Variants in PAPSS1 observed in about 807,000 individuals in gnomAD.
PAPSS1 encodes 3'-phosphoadenosine 5'-phosphosulfate synthase 1.
Under a neutral mutation model 72.0 loss-of-function variants are expected in PAPSS1, and 50 were observed. That is an observed-to-expected ratio of 0.69 (90% confidence interval 0.55 to 0.88). The LOEUF is 0.88. Ranked by LOEUF, PAPSS1 falls within the 40% of genes least tolerant of loss-of-function variation. The pLI is 0.00. For missense variants in PAPSS1, 657 were observed against 782.2 expected (o/e 0.84, Z 1.91); for synonymous variants, 261 against 263.6 (o/e 0.99, Z 0.09).
chr4:107,706,209 T>A (rs1723336682), intron 1 of PAPSS1, among the ~76,000 whole-genome samples: 1 of 152,232 alleles, frequency 6.6e-6, no homozygotes, highest in Non-Finnish European at 1.5e-5. Context: ...AAGTTTTCTG[T>A]TGTTATTTAA....
In PAPSS1 at chr4:107,645,034, T is replaced by G. The variant is rs1726655931; in HGVS notation, c.1274A>C (p.His425Pro). Residue 425 changes from histidine (H) to proline (P), a missense_variant, in exon 10 of 12, where the codon CAC (histidine) becomes CCC (proline). Coordinates refer to ENST00000265174, the MANE Select transcript of PAPSS1 (RefSeq NM_005443.5). ...CTGCATTAACAGGGCATGTCCATTGTGCACTGGGTTGCGTAGTTGAAATGC... is the reference window on the plus strand; with the variant it reads ...CTGCATTAACAGGGCATGTCCATTGGGCACTGGGTTGCGTAGTTGAAATGC... ...VFAFQLRNPV[H>P]NGHALLMQDT... The G allele has an allele frequency of 6.3e-7, 1 of 1,586,258 alleles. No homozygotes were observed. The highest frequency in any genetic ancestry group is 1.3e-5 in the African/African-American group (1 of 74,194).
intron 7 of PAPSS1, 44 bp downstream of exon 7, chr4:107,656,852 T>C: frequency 7.7e-7 from 1 of 1,304,936 alleles, no homozygotes; most frequent in Non-Finnish European, 1.1e-6. Context: ...ACTATGTAAT[T>C]TCTCTTCCAC....
chr4:107,627,355 T>C (rs1407628406), intron 11 of PAPSS1, among the ~76,000 whole-genome samples: 1 of 152,190 alleles, frequency 6.6e-6, no homozygotes, highest in African/African-American at 2.4e-5. Flanking sequence ...CTTAAGGAAG[T>C]TAATCCTAAC....
chr4:107,657,555 C>T (rs1034242212), intron 6 of PAPSS1, among the ~76,000 whole-genome samples: 8 of 152,084 alleles, frequency 5.3e-5, no homozygotes, highest in African/African-American at 1.7e-4. Context: ...AACCCAGTCT[C>T]TACTAAAAAT....
At chr4:107,704,214 A>C (rs1723279168) in intron 1 of PAPSS1, among the ~76,000 whole-genome samples, 2 of 152,158 alleles carry the variant, frequency 1.3e-5, no homozygotes, top group Non-Finnish European at 2.9e-5. Context: ...AACTTTACTA[A>C]ATTTATTTAT....
At chr4:107,676,980 A>G (rs1727668647) in intron 5 of PAPSS1, among the ~76,000 whole-genome samples, 2 of 152,252 alleles carry the variant, frequency 1.3e-5, no homozygotes, top group African/African-American at 2.4e-5. Context: ...CTGGCTAGCC[A>G]TATTTAGAAA....
intron 5 of PAPSS1, among the ~76,000 whole-genome samples, chr4:107,660,667 G>A (rs1727155832): frequency 6.6e-6 from 1 of 152,082 alleles, no homozygotes; most frequent in South Asian, 2.1e-4. Context: ...TATACTACAA[G>A]TACATATTTG....
intron 10 of PAPSS1, among the ~76,000 whole-genome samples, chr4:107,640,107 C>T (rs2726660): frequency 0.63 from 95,405 of 152,056 alleles, 30,550 homozygotes; most frequent in African/African-American, 0.76. Context: ...GACACTTTCA[C>T]GTCACAGGTC....
chr4:107,639,875 G>A (rs1188949672), intron 10 of PAPSS1, among the ~76,000 whole-genome samples: 1 of 152,204 alleles, frequency 6.6e-6, no homozygotes, highest in Non-Finnish European at 1.5e-5. Flanking sequence ...GTCATAGTAT[G>A]TTCTACTGTC....
chr4:107,678,926 C>A (rs1397986024), intron 5 of PAPSS1, among the ~76,000 whole-genome samples: 1 of 152,142 alleles, frequency 6.6e-6, no homozygotes, highest in African/African-American at 2.4e-5. Context: ...CAAATATGGT[C>A]TGCCACAAAG....
At chr4:107,624,658 G>C (rs1003333974) in intron 11 of PAPSS1, among the ~76,000 whole-genome samples, 1 of 151,890 alleles carries the variant, frequency 6.6e-6, no homozygotes, top group Non-Finnish European at 1.5e-5. Flanking sequence ...TAATTCAAAT[G>C]CATACTAGAA....
intron 5 of PAPSS1, among the ~76,000 whole-genome samples, chr4:107,665,619 AG>A (rs1727295992): frequency 6.6e-6 from 1 of 152,188 alleles, no homozygotes; most frequent in Admixed American, 6.5e-5. Context: ...AGGCCCTAGG[AG>A]TCCTCCTGAG....
intron 11 of PAPSS1, among the ~76,000 whole-genome samples, chr4:107,623,525 G>A (rs1272412125): frequency 6.6e-6 from 1 of 152,242 alleles, no homozygotes; most frequent in African/African-American, 2.4e-5. Context: ...ATATCACCCA[G>A]GTAATGTAAG....
chr4:107,683,773 T>C (rs1040810404), intron 4 of PAPSS1, among the ~76,000 whole-genome samples: 1 of 152,190 alleles, frequency 6.6e-6, no homozygotes, highest in Non-Finnish European at 1.5e-5. Flanking sequence ...TAAAGGTCTA[T>C]AAAAGCCTGA....
chr4:107,693,282 T>C (rs1025611683), intron 3 of PAPSS1, among the ~76,000 whole-genome samples: 3 of 152,150 alleles, frequency 2.0e-5, no homozygotes, highest in African/African-American at 7.2e-5. Flanking sequence ...AATCCTGAGA[T>C]AAGAAATGAC....
At chr4:107,702,432 T>C (rs1464531259) in intron 1 of PAPSS1, among the ~76,000 whole-genome samples, 1 of 152,206 alleles carries the variant, frequency 6.6e-6, no homozygotes, top group Non-Finnish European at 1.5e-5. Context: ...TATACATCTT[T>C]TGAACTTAAT....
intron 5 of PAPSS1, among the ~76,000 whole-genome samples, chr4:107,667,759 A>C (rs981967679): frequency 6.6e-6 from 1 of 152,240 alleles, no homozygotes; most frequent in African/African-American, 2.4e-5. Flanking sequence ...TAGGACTTAC[A>C]TAAATCATAA....
intron 2 of PAPSS1, among the ~76,000 whole-genome samples, chr4:107,698,136 T>G (rs994101375): frequency 2.0e-5 from 3 of 152,126 alleles, no homozygotes; most frequent in African/African-American, 7.2e-5. Context: ...TACCAACCAA[T>G]GTAGAAACAC....
At chr4:107,698,418 G>A (rs532129993) in intron 2 of PAPSS1, among the ~76,000 whole-genome samples, 94 of 152,186 alleles carry the variant, frequency 6.2e-4, no homozygotes, top group Admixed American at 7.2e-4. Context: ...TCAAATACAC[G>A]TTTATGAAAA....
Sources: allele counts gnomAD v4.1 joint callset (sites outside exome capture counted in the v4.1 genomes callset), GRCh38; gene constraint gnomAD v4.1.1; transcripts MANE v1.5; gene names NCBI Gene and HGNC (gene_info 2026-07-23, HGNC 2026-07-21).